SLC25A26: variants seen among roughly 807,000 people sequenced by gnomAD.
SLC25A26 encodes solute carrier family 25 member 26, also known as mitochondrial S-adenosylmethionine carrier protein.
A neutral mutation model predicts 37.8 loss-of-function variants in SLC25A26; 36 were observed. The ratio of observed to expected loss-of-function variants is 0.95; its 90% CI spans 0.73 to 1.26. The LOEUF (loss-of-function observed/expected upper bound fraction) is 1.26, where lower values mean the gene tolerates loss of function less well. Ranked by LOEUF, SLC25A26 falls within the 50% of genes most tolerant of loss-of-function variation. The pLI is 0.00. For synonymous variants in SLC25A26, 129 were observed against 122.5 expected, an observed-to-expected ratio of 1.05 and a Z score of -0.35; for missense variants, 390 against 331.1, an observed-to-expected ratio of 1.18 and a Z score of -1.38.
chr3:66,221,027 C>G lies in SLC25A26; in HGVS notation c.-68C>G. 3 of 1,510,394 alleles carry G rather than the reference C, an allele frequency of 2.0e-6. No individual in the cohort carries two copies. Among genetic ancestry groups the G allele is most frequent in the South Asian group, 2.4e-5 (2 of 83,490 alleles). 93.6% of individuals were successfully genotyped at this position (1,510,394 alleles called of 1,614,324 possible). A position where few individuals can be genotyped will look rare whatever the true frequency, so the allele number is the denominator to read the frequency against. On this transcript the variant is annotated 5_prime_UTR_variant, in exon 1 of 10. Transcript: ENST00000354883. ...GACCCGCCTCAAACATGGCGGCGCC[C>G]AGCGCGCGAGGACGTGATCCGCTTC...
intron 6 of SLC25A26, among the ~76,000 whole-genome samples, chr3:66,362,439 G>A (rs566673787): frequency 1.2e-4 from 19 of 152,206 alleles, no homozygotes; most frequent in African/African-American, 4.6e-4. Flanking sequence ...AAAAAAATAT[G>A]TGATTACAAT....
At chr3:66,138,073 A>T (rs907655646) in intron 1 of SLC25A26, among the ~76,000 whole-genome samples, 3 of 152,070 alleles carry the variant, frequency 2.0e-5, no homozygotes, top group Non-Finnish European at 2.9e-5. Context: ...ACCTCAAGTG[A>T]TCCACCCGCC....
chr3:66,214,129 G>C (rs984220154), intron 1 of SLC25A26, among the ~76,000 whole-genome samples: 1 of 152,132 alleles, frequency 6.6e-6, no homozygotes, highest in South Asian at 2.1e-4. Context: ...GGAGGTGTTT[G>C]GGTCATGGGG....
intron 3 of SLC25A26, chr3:66,261,669 A>T: frequency 5.5e-6 from 1 of 182,972 alleles, no homozygotes; most frequent in Non-Finnish European, 1.1e-5. Flanking sequence ...TACTTCCAGT[A>T]AAGCAGAGGT....
chr3:66,262,518 G>T (rs1000867014), intron 4 of SLC25A26, among the ~76,000 whole-genome samples: 1 of 152,198 alleles, frequency 6.6e-6, no homozygotes, highest in African/African-American at 2.4e-5. Context: ...ACTGATAACA[G>T]TGACCAATGT....
intron 5 of SLC25A26, among the ~76,000 whole-genome samples, chr3:66,314,920 T>G (rs534074618): frequency 6.6e-6 from 1 of 152,094 alleles, no homozygotes; most frequent in African/African-American, 2.4e-5. Context: ...TTGAGGTGTT[T>G]ATAGTATTCT....
intron 1 of SLC25A26, 86 bp from the exon 2 acceptor site, chr3:66,236,458 C>T: frequency 9.3e-7 from 1 of 1,070,746 alleles, no homozygotes; most frequent in South Asian, 2.1e-5. Flanking sequence ...TAAAGACTGT[C>T]TTCCTATCTT....
Position 66,143,621 on chromosome 3 carries a change from C to T in SLC25A26, c.-354+9637C>T, listed in dbSNP as rs558163947. ...ATTATTGGCTGGGAACAGTGGTTCA[C>T]GCCTGTAATCCCAGGACTTTGGGAG... On this transcript the variant is annotated intron_variant, in intron 1 of 10. Transcript: ENST00000676754. Among the ~76,000 whole-genome samples, 4 of 152,276 alleles carry T rather than the reference C, an allele frequency of 2.6e-5. No individual in the cohort carries two copies. The South Asian group carries it at 6.2e-4, about 24-fold the overall frequency.
At chr3:66,209,477 G>A (rs1187662831) in intron 1 of SLC25A26, among the ~76,000 whole-genome samples, 1 of 139,042 alleles carries the variant, frequency 7.2e-6, no homozygotes, top group Non-Finnish European at 1.5e-5. Context: ...ATATAAAGGT[G>A]TATACATATA....
chr3:66,272,986 A>G (rs964625912), intron 5 of SLC25A26, among the ~76,000 whole-genome samples: 2 of 152,176 alleles, frequency 1.3e-5, no homozygotes, highest in Non-Finnish European at 2.9e-5. Flanking sequence ...TAATTTATTG[A>G]GAGTTTTTAG....
chr3:66,305,267 C>T (rs1030045203), intron 5 of SLC25A26, among the ~76,000 whole-genome samples: 13 of 152,204 alleles, frequency 8.5e-5, no homozygotes, highest in Admixed American at 2.0e-4. Context: ...AATTTAAAGA[C>T]AACAGGAGAA....
At chr3:66,312,216 C>A (rs374159153) in intron 5 of SLC25A26, among the ~76,000 whole-genome samples, 1 of 152,332 alleles carries the variant, frequency 6.6e-6, no homozygotes, top group South Asian at 2.1e-4. Flanking sequence ...GAGAGGCAGT[C>A]TGGCTACTGT....
In SLC25A26 at chr3:66,345,224, T is replaced by C. The variant is rs553646922; in HGVS notation, c.454-1140T>C. On this transcript the variant is annotated intron_variant, in intron 5 of 9. Coordinates refer to ENST00000354883, the MANE Select transcript of SLC25A26 (RefSeq NM_001379210.1). ...ATCAGTGCTCAGACCCACGTCCCCC[T>C]GTGTTTTGTTAGACCCTCTCCACTC... Among the ~76,000 whole-genome samples the C allele has an allele frequency of 4.3e-4, 65 of 152,242 alleles. 1 individual carries two copies. Among genetic ancestry groups the C allele is most frequent in the Admixed American group, 2.0e-3 (30 of 15,290 alleles).
intron 5 of SLC25A26, among the ~76,000 whole-genome samples, chr3:66,301,150 G>A (rs2075065271): frequency 6.6e-6 from 1 of 152,130 alleles, no homozygotes; most frequent in Non-Finnish European, 1.5e-5. Flanking sequence ...TCATGTAAAG[G>A]TGAAAATTTA....
chr3:66,217,085 A>G (rs953260568), upstream of SLC25A26, among the ~76,000 whole-genome samples: 823 of 152,350 alleles, frequency 5.4e-3, 11 homozygotes, highest in African/African-American at 0.019. Flanking sequence ...GATACCTGAT[A>G]AATTACATTT....
chr3:66,140,160 A>G (rs1220761427), intron 1 of SLC25A26, among the ~76,000 whole-genome samples: 1 of 152,190 alleles, frequency 6.6e-6, no homozygotes, highest in African/African-American at 2.4e-5. Flanking sequence ...CAGATGCTCC[A>G]TGCCTATGTA....
chr3:66,200,955 T>C (rs1399065089), intron 1 of SLC25A26, among the ~76,000 whole-genome samples: 9 of 152,174 alleles, frequency 5.9e-5, no homozygotes, highest in African/African-American at 1.9e-4. Flanking sequence ...CCCAGGGTGC[T>C]GTGGCACAAA....
chr3:66,225,513 CA>C (rs1279180277), intron 1 of SLC25A26, among the ~76,000 whole-genome samples: 10 of 152,162 alleles, frequency 6.6e-5, no homozygotes, highest in Admixed American at 5.9e-4. Context: ...CCTAGGCCTC[CA>C]GAGCCTGTGA....
chr3:66,308,110 A>G lies in SLC25A26; in HGVS notation c.454-38254A>G, dbSNP rs7614905. On this transcript the variant is annotated intron_variant, in intron 5 of 9. Coordinates refer to ENST00000354883, the MANE Select transcript of SLC25A26 (RefSeq NM_001379210.1). The stretch of plus-strand genomic sequence containing the variant: ...TTTGGGCAGTATGGGCATTTTCATG[A>G]TATTGATTCTTCCTATCCATGAGCA... Among the ~76,000 whole-genome samples the G allele has an allele frequency of 6.4e-3, 977 of 152,168 alleles. 9 individuals are homozygous for G. Among genetic ancestry groups the G allele is most frequent in the African/African-American group, 0.021 (886 of 41,512 alleles).
Sources: gnomAD v4.1 joint callset for allele counts (sites outside exome capture counted in the v4.1 genomes callset) on GRCh38, gnomAD v4.1.1 for gene constraint, MANE v1.5 for transcripts, NCBI Gene and HGNC (gene_info 2026-07-23, HGNC 2026-07-21) for gene names.